The following LRP1B variants were observed in gnomAD, a reference collection of about 807,000 sequenced individuals.
LRP1B encodes the protein LDL receptor related protein 1B, also known as low-density lipoprotein receptor-related protein 1B.
LRP1B carries 217 observed loss-of-function variants against 556.6 expected under a neutral mutation model. The ratio of observed to expected loss-of-function variants is 0.39; its 90% CI spans 0.35 to 0.44. The LOEUF (loss-of-function observed/expected upper bound fraction) is 0.44, where lower values mean the gene tolerates loss of function less well. Among genes scored for constraint, LRP1B ranks in the 20% least tolerant of loss-of-function variants. The pLI is 1.00. For synonymous variants in LRP1B, 2,047 were observed against 1,865.8 expected (o/e 1.10, Z -2.50); for missense variants, 5,053 against 5,620.8 (o/e 0.90, Z 3.23).
At chr2:141,945,940 A>G (rs949244238) in intron 1 of LRP1B, among the ~76,000 whole-genome samples, 1 of 61,524 alleles carries the variant, frequency 1.6e-5, no homozygotes, top group African/African-American at 3.8e-5. Context: ...GGATTTATTT[A>G]TTTATTTATT....
At chr2:140,696,054 T>C (rs986965548) in intron 41 of LRP1B, among the ~76,000 whole-genome samples, 4 of 152,200 alleles carry the variant, frequency 2.6e-5, no homozygotes, top group African/African-American at 9.6e-5. Context: ...AATATGAATC[T>C]AGTTAAATAC....
Position 140,506,930 on chromosome 2 carries a change from A to G in LRP1B, c.8399-12T>C, listed in dbSNP as rs1689442282. On this transcript the variant is annotated splice_polypyrimidine_tract_variant and intron_variant, in intron 52 of 90. Coordinates refer to ENST00000389484, the MANE Select transcript of LRP1B (RefSeq NM_018557.3). The stretch of plus-strand genomic sequence containing the variant: ...TGTATTATTGGGAGCTAAGAAAGGC[A>G]TCACAAAAAATAAAGTTAGATGAGC... 1.9e-6 allele frequency: 3 copies of G among 1,612,772 alleles called. No individual in the cohort carries two copies. In the African/African-American group the frequency reaches 4.0e-5, roughly 22 times the overall value.
chr2:140,480,748 G>C (rs904204862), intron 59 of LRP1B, among the ~76,000 whole-genome samples: 2 of 152,016 alleles, frequency 1.3e-5, no homozygotes, highest in Admixed American at 6.6e-5. Context: ...GCCTCTAACA[G>C]GCTATTGTCA....
intron 4 of LRP1B, among the ~76,000 whole-genome samples, chr2:141,249,144 T>C (rs1267834399): frequency 1.3e-5 from 2 of 152,122 alleles, no homozygotes; most frequent in African/African-American, 4.8e-5. Flanking sequence ...ACTGTTAATA[T>C]AGGGTGAGAT....
chr2:142,033,754 A>G (rs140936514), intron 1 of LRP1B, among the ~76,000 whole-genome samples: 2 of 151,946 alleles, frequency 1.3e-5, no homozygotes, highest in African/African-American at 4.8e-5. Context: ...CAAATTGCAA[A>G]GTGGAGTTAT....
At chr2:142,013,093 C>T (rs143424374) in intron 1 of LRP1B, among the ~76,000 whole-genome samples, 20 of 152,138 alleles carry the variant, frequency 1.3e-4, no homozygotes, top group Non-Finnish European at 2.6e-4. Flanking sequence ...AATCATTGTG[C>T]TTGTGTTGAG....
intron 86 of LRP1B, among the ~76,000 whole-genome samples, chr2:140,248,184 A>G (rs1274345602): frequency 6.6e-6 from 1 of 151,660 alleles, no homozygotes; most frequent in Non-Finnish European, 1.5e-5. Context: ...ATGCTATACG[A>G]ATTATTTGTG....
intron 11 of LRP1B, among the ~76,000 whole-genome samples, chr2:141,045,668 G>T (rs1168182354): frequency 4.6e-5 from 7 of 151,492 alleles, no homozygotes; most frequent in African/African-American, 1.7e-4. Flanking sequence ...TTCCCTTTCT[G>T]CTGTTGGATA....
chr2:141,543,006 G>A (rs964642161), intron 2 of LRP1B, among the ~76,000 whole-genome samples: 5 of 152,082 alleles, frequency 3.3e-5, no homozygotes, highest in East Asian at 3.9e-4. Context: ...ATAGAACAAC[G>A]TGACAGTTTG....
At chr2:141,538,725 C>T (rs935717852) in intron 2 of LRP1B, among the ~76,000 whole-genome samples, 1 of 151,972 alleles carries the variant, frequency 6.6e-6, no homozygotes, top group Non-Finnish European at 1.5e-5. Flanking sequence ...CTTTAACCTC[C>T]ACCTCCCGAT....
chr2:141,649,991 G>A (rs922952987), intron 2 of LRP1B, among the ~76,000 whole-genome samples: 1 of 152,110 alleles, frequency 6.6e-6, no homozygotes, highest in African/African-American at 2.4e-5. Flanking sequence ...ACCAGCCTGG[G>A]CAACATGGTG....
intron 17 of LRP1B, among the ~76,000 whole-genome samples, chr2:140,984,876 C>T (rs928705171): frequency 2.6e-5 from 4 of 152,012 alleles, no homozygotes; most frequent in African/African-American, 9.7e-5. Flanking sequence ...TTCCACAAAC[C>T]CCCAAGGACT....
chr2:140,327,096 A>C (rs1680528584), intron 79 of LRP1B, among the ~76,000 whole-genome samples: 1 of 152,122 alleles, frequency 6.6e-6, no homozygotes, highest in African/African-American at 2.4e-5. Flanking sequence ...TCGGAAGTAC[A>C]ATGCAGTTAA....
At chr2:140,952,962 C>T (rs963839237) in intron 18 of LRP1B, among the ~76,000 whole-genome samples, 1 of 152,040 alleles carries the variant, frequency 6.6e-6, no homozygotes, top group Admixed American at 6.6e-5. Flanking sequence ...AATCTTCACA[C>T]ACAAGAGCTC....
At chr2:140,870,846 T>TA (rs548266203) in intron 25 of LRP1B, among the ~76,000 whole-genome samples, 34 of 152,018 alleles carry the variant, frequency 2.2e-4, no homozygotes, top group Non-Finnish European at 4.4e-4. Context: ...CACTTCCTTT[T>TA]AAAAAAAATT....
intron 41 of LRP1B, among the ~76,000 whole-genome samples, chr2:140,654,463 T>TA (rs1684804625): frequency 6.6e-6 from 1 of 151,142 alleles, no homozygotes; most frequent in African/African-American, 2.5e-5. Flanking sequence ...TTAAAGACTG[T>TA]CAGTAATCAA....
Position 141,176,665 on chromosome 2 carries a change from T to G in LRP1B, c.1013+11756A>C, listed in dbSNP as rs138526216. On this transcript the variant is annotated intron_variant, in intron 7 of 90. Coordinates refer to ENST00000389484, the MANE Select transcript of LRP1B (RefSeq NM_018557.3). ...GATTAATACAACTTGTTTCTCTGAT[T>G]ATGTTTTCAAAACAAACTTTTAATA... Among the ~76,000 whole-genome samples the G allele has an allele frequency of 3.7e-4, 56 of 152,146 alleles. No individual in the cohort carries two copies. The East Asian group carries it at 0.011, about 29-fold the overall frequency.
intron 27 of LRP1B, among the ~76,000 whole-genome samples, chr2:140,865,808 T>A (rs959317689): frequency 1.3e-5 from 2 of 152,106 alleles, no homozygotes; most frequent in Non-Finnish European, 2.9e-5. Flanking sequence ...AAAAATCATA[T>A]ATAAATCATA....
At chr2:141,106,840 G>C (rs1050387347) in intron 7 of LRP1B, among the ~76,000 whole-genome samples, 9 of 152,110 alleles carry the variant, frequency 5.9e-5, no homozygotes, top group African/African-American at 2.2e-4. Context: ...CAATCCACGA[G>C]TCAACCACTT....
Sources: gnomAD v4.1 joint callset for allele counts (sites outside exome capture counted in the v4.1 genomes callset) on GRCh38, gnomAD v4.1.1 for gene constraint, MANE v1.5 for transcripts, NCBI Gene and HGNC (gene_info 2026-07-23, HGNC 2026-07-21) for gene names.